The following DLG2 variants were observed in gnomAD, a reference collection of about 807,000 sequenced individuals.
DLG2 encodes discs large MAGUK scaffold protein 2, also known as disks large homolog 2.
DLG2 carries 45 observed loss-of-function variants against 132.5 expected under a neutral mutation model. The observed-to-expected ratio is 0.34, with a 90% CI of 0.27 to 0.44. The LOEUF (loss-of-function observed/expected upper bound fraction) is 0.44, where lower values mean the gene tolerates loss of function less well. Ranked by LOEUF, DLG2 falls within the 20% of genes least tolerant of loss-of-function variation. The pLI, the probability that DLG2 is intolerant of heterozygous loss-of-function variation, is 1.00. For missense variants in DLG2, 1,045 were observed against 1,196.9 expected (o/e 0.87, Z 1.87); for synonymous variants, 424 against 419.6 (o/e 1.01, Z -0.13).
chr11:85,212,669 A>T, intron 4 of DLG2, among the ~76,000 whole-genome samples: 1 of 151,976 alleles, frequency 6.6e-6, no homozygotes, highest in Non-Finnish European at 1.5e-5. Context: ...ATATCAAAGC[A>T]CTCTCACATC....
intron 7 of DLG2, among the ~76,000 whole-genome samples, chr11:84,291,590 C>A (rs2097999012): frequency 6.6e-6 from 1 of 152,114 alleles, no homozygotes; most frequent in African/African-American, 2.4e-5. Flanking sequence ...CATGCAATGA[C>A]CTTTATCTCC....
chr11:83,538,580 C>A (rs1446434577), intron 20 of DLG2, among the ~76,000 whole-genome samples: 1 of 152,152 alleles, frequency 6.6e-6, no homozygotes, highest in Non-Finnish European at 1.5e-5. Flanking sequence ...TGGTCAGTGG[C>A]TGGCTGTGTA....
chr11:84,875,620 A>T (rs2086222652), intron 6 of DLG2, among the ~76,000 whole-genome samples: 1 of 152,076 alleles, frequency 6.6e-6, no homozygotes. Context: ...GTTTTTTGCC[A>T]TTATTACCTA....
intron 4 of DLG2, among the ~76,000 whole-genome samples, chr11:85,233,740 A>G (rs1001308230): frequency 7.0e-6 from 1 of 142,122 alleles, no homozygotes; most frequent in Non-Finnish European, 1.5e-5. Flanking sequence ...GTTTTTCAAG[A>G]TTGCTGCATC....
chr11:85,500,390 G>A (rs1190956898), intron 3 of DLG2, among the ~76,000 whole-genome samples: 2 of 114,548 alleles, frequency 1.7e-5, no homozygotes, highest in East Asian at 5.2e-4. Flanking sequence ...GGGGACTGTG[G>A]TGGGGTCGGG....
intron 25 of DLG2, among the ~76,000 whole-genome samples, chr11:83,467,711 T>C (rs1179137010): frequency 1.4e-5 from 2 of 147,652 alleles, no homozygotes; most frequent in Non-Finnish European, 3.0e-5. Flanking sequence ...GACCGTGCCA[T>C]GGCATTCCAG....
At chr11:85,068,104 C>T (rs1459142092) in intron 6 of DLG2, among the ~76,000 whole-genome samples, 1 of 152,036 alleles carries the variant, frequency 6.6e-6, no homozygotes, top group African/African-American at 2.4e-5. Flanking sequence ...TTCAACAGCC[C>T]TTCATTCTAA....
intron 18 of DLG2, among the ~76,000 whole-genome samples, chr11:83,703,874 AC>A (rs758313090): frequency 2.0e-5 from 3 of 152,174 alleles, no homozygotes; most frequent in Non-Finnish European, 4.4e-5. Context: ...CAACAGTGTC[AC>A]TTCCCTATTA....
intron 21 of DLG2, among the ~76,000 whole-genome samples, chr11:83,505,508 C>T (rs1484983204): frequency 6.6e-6 from 1 of 152,222 alleles, no homozygotes; most frequent in Non-Finnish European, 1.5e-5. Flanking sequence ...GCTGAGGTCA[C>T]CCATTGGTGA....
intron 3 of DLG2, among the ~76,000 whole-genome samples, chr11:85,428,171 A>C (rs1395934981): frequency 1.3e-5 from 2 of 152,188 alleles, no homozygotes; most frequent in Non-Finnish European, 2.9e-5. Flanking sequence ...CCCACACAAT[A>C]ATAATGGGAG....
At chr11:84,573,072 A>C (rs1321202210) in intron 6 of DLG2, among the ~76,000 whole-genome samples, 3 of 152,194 alleles carry the variant, frequency 2.0e-5, no homozygotes, top group Non-Finnish European at 2.9e-5. Context: ...ATTTGTGAGT[A>C]AACAAATGGT....
chr11:85,353,463 T>C (rs184843325), intron 3 of DLG2, among the ~76,000 whole-genome samples: 15 of 152,280 alleles, frequency 9.9e-5, no homozygotes, highest in Admixed American at 8.5e-4. Context: ...AGAAATACCA[T>C]TGGACCGAGC....
intron 1 of DLG2, among the ~76,000 whole-genome samples, 166 bp downstream of exon 1, chr11:85,627,052 A>T (rs2082070652): frequency 6.6e-6 from 1 of 152,208 alleles, no homozygotes; most frequent in African/African-American, 2.4e-5. Context: ...TGATAAAGAT[A>T]CTCAAATCTG....
intron 7 of DLG2, among the ~76,000 whole-genome samples, chr11:84,311,052 A>AT (rs201141968): frequency 0.024 from 3,618 of 151,806 alleles, 52 homozygotes; most frequent in Middle Eastern, 0.037. Flanking sequence ...ATTTTACATG[A>AT]TTTTTTTTTC....
At chr11:84,088,343 T>C (rs1484555763) in intron 10 of DLG2, among the ~76,000 whole-genome samples, 1 of 150,902 alleles carries the variant, frequency 6.6e-6, no homozygotes, top group African/African-American at 2.4e-5. Flanking sequence ...TATGCAGGTA[T>C]ATATCCAGAA....
intron 21 of DLG2, among the ~76,000 whole-genome samples, chr11:83,530,818 T>C (rs1367987): frequency 0.42 from 63,692 of 151,592 alleles, 13,605 homozygotes; most frequent in Middle Eastern, 0.56. Context: ...ATGTATATCT[T>C]GTATATAGAA....
At chr11:84,146,912 T>A (rs1260250103) in intron 9 of DLG2, among the ~76,000 whole-genome samples, 1 of 152,136 alleles carries the variant, frequency 6.6e-6, no homozygotes, top group Non-Finnish European at 1.5e-5. Context: ...AGTCTCTAGC[T>A]TTCTCTGCAG....
At chr11:83,988,762 A>C (rs2093515091) in intron 11 of DLG2, among the ~76,000 whole-genome samples, 1 of 151,922 alleles carries the variant, frequency 6.6e-6, no homozygotes, top group Non-Finnish European at 1.5e-5. Flanking sequence ...TTCCAGTCTC[A>C]ATTTCTGTAG....
At chr11:83,808,587 C>A (rs768610756) in intron 17 of DLG2, among the ~76,000 whole-genome samples, 1 of 152,218 alleles carries the variant, frequency 6.6e-6, no homozygotes, top group Admixed American at 6.5e-5. Context: ...CTAGCCCTTG[C>A]TGTTCTTGGC....
Sources: gnomAD v4.1 joint callset for allele counts (sites outside exome capture counted in the v4.1 genomes callset) on GRCh38, gnomAD v4.1.1 for gene constraint, MANE v1.5 for transcripts, NCBI Gene and HGNC (gene_info 2026-07-23, HGNC 2026-07-21) for gene names.